GNAI3: variants seen among roughly 807,000 people sequenced by gnomAD.
The protein encoded by GNAI3 is guanine nucleotide-binding protein G(i) subunit alpha-3.
GNAI3 carries 12 observed loss-of-function variants against 41.8 expected under a neutral mutation model. The ratio of observed to expected loss-of-function variants is 0.29; its 90% CI spans 0.18 to 0.47. GNAI3 has a LOEUF of 0.47. GNAI3 is among the 20% of genes least tolerant of loss of function. The pLI is 1.00. For synonymous variants in GNAI3, 132 were observed against 146.5 expected, an observed-to-expected ratio of 0.90 and a Z score of 0.71; for missense variants, 360 against 429.6, an observed-to-expected ratio of 0.84 and a Z score of 1.43.
chr1:109,577,078 C>T (rs1289480747), intron 3 of GNAI3, among the ~76,000 whole-genome samples: 2 of 148,498 alleles, frequency 1.3e-5, no homozygotes, highest in East Asian at 3.9e-4. Context: ...GGGTATAGGT[C>T]AAATTTCAGA....
At chr1:109,549,292 A>G (rs1315449073) in intron 1 of GNAI3, among the ~76,000 whole-genome samples, 2 of 151,616 alleles carry the variant, frequency 1.3e-5, no homozygotes, top group Non-Finnish European at 2.9e-5. Flanking sequence ...GCAGGCTTGA[A>G]TGGATGGTAC....
rs142926433 is a variant in GNAI3 at position 109,569,573 on chromosome 1, A to T, written c.119-4164A>T. Among the ~76,000 whole-genome samples, 16 of 152,354 alleles carry T rather than the reference A, an allele frequency of 1.1e-4. No individual in the cohort carries two copies. The East Asian group carries it at 2.9e-3, about 27-fold the overall frequency. On this transcript the variant is annotated intron_variant, in intron 1 of 8. Coordinates refer to ENST00000369851, the MANE Select transcript of GNAI3 (RefSeq NM_006496.4). Reference sequence around the variant, plus strand: ...AGGGAGCTTACTGCTAGAACAATGGAGCACAGAGAGTTGAGGTAAAAGTGA... The same window carrying T: ...AGGGAGCTTACTGCTAGAACAATGGTGCACAGAGAGTTGAGGTAAAAGTGA...
rs921392124 is a variant in GNAI3, at chr1:109,594,187, T to A, written c.*1865T>A. 5.9e-5 allele frequency: 9 copies of A among 152,378 alleles called. No homozygotes were observed. The highest frequency in any genetic ancestry group is 2.2e-4 in the African/African-American group (9 of 41,432). 9.4% of individuals were successfully genotyped at this position (152,378 alleles called of 1,614,324 possible). A position where few individuals can be genotyped will look rare whatever the true frequency, so the allele number is the denominator to read the frequency against. On this transcript the variant is annotated 3_prime_UTR_variant, in exon 9 of 9. Transcript: ENST00000369851. ...ACAATGTAAACAGGGTTGGTAGTTG[T>A]TACTCATTTTGAATATACCTTTTCC...
intron 1 of GNAI3, among the ~76,000 whole-genome samples, chr1:109,566,688 A>G (rs1423337214): frequency 6.6e-6 from 1 of 152,124 alleles, no homozygotes; most frequent in Non-Finnish European, 1.5e-5. Context: ...CAGCCTCCTG[A>G]ATAGCTGGGA....
chr1:109,578,021 T>C (rs1195135992), intron 3 of GNAI3, among the ~76,000 whole-genome samples: 4 of 152,228 alleles, frequency 2.6e-5, no homozygotes, highest in Admixed American at 6.5e-5. Context: ...AGATAAATAT[T>C]AGATGTGGAT....
Position 109,586,795 on chromosome 1 carries a change from T to C in GNAI3, c.787T>C (p.Ser263Pro). ...ICNNKWFTET[S>P]IILFLNKKDL... ...TAATAACAAATGGTTTACAGAAACT[T>C]CAATCATTCTCTTCCTTAACAAGAA... The change falls in exon 7 of 9, where the codon TCA becomes CCA. Residue 263 changes from serine (S) to proline (P), a missense_variant. Coordinates refer to ENST00000369851, the MANE Select transcript of GNAI3 (RefSeq NM_006496.4). 1 of 1,595,054 alleles carries C rather than the reference T, an allele frequency of 6.3e-7. No homozygotes were observed. Among genetic ancestry groups the C allele is most frequent in the Non-Finnish European group, 8.6e-7 (1 of 1,162,992 alleles).
At chr1:109,562,992 T>C (rs980680733) in intron 1 of GNAI3, among the ~76,000 whole-genome samples, 2 of 152,214 alleles carry the variant, frequency 1.3e-5, no homozygotes, top group South Asian at 2.1e-4. Context: ...TAAATAAATA[T>C]AGTTTTCAGT....
intron 1 of GNAI3, among the ~76,000 whole-genome samples, chr1:109,569,886 A>G (rs946325039): frequency 1.3e-5 from 2 of 151,920 alleles, no homozygotes; most frequent in Non-Finnish European, 2.9e-5. Flanking sequence ...AGATTAATGG[A>G]TTTATTATTT....
chr1:109,570,950 G>T (rs1648582348), intron 1 of GNAI3, among the ~76,000 whole-genome samples: 2 of 152,176 alleles, frequency 1.3e-5, no homozygotes, highest in Admixed American at 6.5e-5. Context: ...CTTTTGCAGT[G>T]ATCTAGGCCT....
intron 1 of GNAI3, among the ~76,000 whole-genome samples, chr1:109,559,955 T>C (rs557012632): frequency 2.6e-5 from 4 of 152,346 alleles, no homozygotes; most frequent in African/African-American, 9.6e-5. Flanking sequence ...TGACTTTCTG[T>C]TAAGTTGTGA....
intron 1 of GNAI3, among the ~76,000 whole-genome samples, chr1:109,560,104 C>A (rs2101092245): frequency 6.6e-6 from 1 of 152,170 alleles, no homozygotes; most frequent in African/African-American, 2.4e-5. Context: ...ATCTGAACTT[C>A]CTTTGATTTC....
chr1:109,548,977 G>C (rs1647905042), intron 1 of GNAI3, 139 bp downstream of exon 1: 2 of 625,720 alleles, frequency 3.2e-6, no homozygotes, highest in Non-Finnish European at 5.8e-6. Flanking sequence ...CGGGGTGTTG[G>C]GGTTCCTAGC....
At chr1:109,576,552 CT>C (rs1400328605) in intron 3 of GNAI3, among the ~76,000 whole-genome samples, 2 of 150,692 alleles carry the variant, frequency 1.3e-5, no homozygotes, top group East Asian at 2.0e-4. Flanking sequence ...GAGTTTCACT[CT>C]TGTTGCCCAG....
At chr1:109,563,245 G>A (rs1404961755) in intron 1 of GNAI3, among the ~76,000 whole-genome samples, 2 of 152,222 alleles carry the variant, frequency 1.3e-5, no homozygotes, top group African/African-American at 2.4e-5. Context: ...AGCCGGTGTG[G>A]TGATGTGCAC....
intron 1 of GNAI3, among the ~76,000 whole-genome samples, chr1:109,561,316 G>A (rs1365183155): frequency 6.6e-6 from 1 of 152,136 alleles, no homozygotes; most frequent in African/African-American, 2.4e-5. Flanking sequence ...TTACAGAAAA[G>A]TTGCAGATAG....
In GNAI3 at chr1:109,592,391, T is replaced by A. The variant is rs773799219; in HGVS notation, c.*69T>A. On this transcript the variant is annotated 3_prime_UTR_variant, in exon 9 of 9. Transcript: ENST00000369851. ...AGACCAGACACCTTTTGCTGTCTCA[T>A]GGGGCAGCTACAAGCATGAACGGGA... 1.3e-5 allele frequency: 7 copies of A among 525,384 alleles called. No individual in the cohort carries two copies. The highest frequency in any genetic ancestry group is 2.4e-5 in the Non-Finnish European group (7 of 290,308). 32.5% of individuals were successfully genotyped at this position (525,384 alleles called of 1,614,324 possible).
intron 3 of GNAI3, among the ~76,000 whole-genome samples, chr1:109,575,314 C>T (rs1648707039): frequency 6.6e-6 from 1 of 151,770 alleles, no homozygotes; most frequent in Admixed American, 6.6e-5. Flanking sequence ...TTTCTTCCTC[C>T]CTTTTCTCAT....
At chr1:109,575,203 T>G (rs1361194904) in intron 3 of GNAI3, among the ~76,000 whole-genome samples, 1 of 152,212 alleles carries the variant, frequency 6.6e-6, no homozygotes, top group Non-Finnish European at 1.5e-5. Context: ...AAAGCCTTTA[T>G]CCTTGTCTTA....
chr1:109,578,187 A>G (rs906283088), intron 3 of GNAI3, among the ~76,000 whole-genome samples: 2 of 151,954 alleles, frequency 1.3e-5, no homozygotes, highest in African/African-American at 2.4e-5. Context: ...AACTATGGCT[A>G]TGTCTGGGCC....
Sources: gnomAD v4.1 joint callset for allele counts (sites outside exome capture counted in the v4.1 genomes callset) on GRCh38, gnomAD v4.1.1 for gene constraint, MANE v1.5 for transcripts, NCBI Gene and HGNC (gene_info 2026-07-23, HGNC 2026-07-21) for gene names.